NCS1: variants seen among roughly 807,000 people sequenced by gnomAD.
NCS1 encodes frequenin homolog.
In NCS1, 6 loss-of-function variants were observed where a neutral mutation model predicts 28.4. The ratio of observed to expected loss-of-function variants is 0.21; its 90% confidence interval spans 0.12 to 0.42. NCS1 has a LOEUF of 0.42. NCS1 is among the 10% of genes least tolerant of loss of function. NCS1 has a pLI of 1.00. For synonymous variants in NCS1, 86 were observed against 99.3 expected, an observed-to-expected ratio of 0.87 and a Z score of 0.79; for missense variants, 131 against 241.4, an observed-to-expected ratio of 0.54 and a Z score of 3.03.
chr9:130,217,307 C>T (rs1365578456), intron 2 of NCS1, among the ~76,000 whole-genome samples: 6 of 152,212 alleles, frequency 3.9e-5, no homozygotes, highest in African/African-American at 1.2e-4. Context: ...GCTGTTTACC[C>T]AGTTCCCTGG....
chr9:130,172,971 C>G (rs973609650), intron 1 of NCS1, among the ~76,000 whole-genome samples: 1 of 151,850 alleles, frequency 6.6e-6, no homozygotes, highest in African/African-American at 2.4e-5. Flanking sequence ...GCGGCGCCAC[C>G]CCTAGGTCCG....
intron 2 of NCS1, among the ~76,000 whole-genome samples, chr9:130,211,978 G>T (rs895618999): frequency 9.9e-5 from 15 of 152,136 alleles, no homozygotes; most frequent in Admixed American, 2.6e-4. Flanking sequence ...CTCTGGTGCC[G>T]AGAAGGAAGC....
At chr9:130,214,163 A>G (rs1266390884) in intron 2 of NCS1, among the ~76,000 whole-genome samples, 1 of 152,206 alleles carries the variant, frequency 6.6e-6, no homozygotes, top group Non-Finnish European at 1.5e-5. Flanking sequence ...CATATGGTAT[A>G]GCGTGGTACA....
chr9:130,199,925 A>ATTCATTCATTCC lies in NCS1; in HGVS notation c.65-1030_65-1029insATTCATTCCTTC, dbSNP rs1215707739. Among the ~76,000 whole-genome samples, 228 of 151,994 alleles carry ATTCATTCATTCC rather than the reference A, an allele frequency of 1.5e-3. 1 individual carries two copies. Among genetic ancestry groups the ATTCATTCATTCC allele is most frequent in the Non-Finnish European group, 2.8e-3 (187 of 67,978 alleles). On this transcript the variant is annotated intron_variant, in intron 1 of 7. Coordinates refer to ENST00000372398, the MANE Select transcript of NCS1 (RefSeq NM_014286.4). ...CATTCATTCATTCATTCATTCATTC[A>ATTCATTCATTCC]TTCCACAAACCAGTATTGAGCACAT...
intron 1 of NCS1, among the ~76,000 whole-genome samples, chr9:130,195,079 T>C (rs1417557964): frequency 6.6e-6 from 1 of 152,190 alleles, no homozygotes; most frequent in Non-Finnish European, 1.5e-5. Context: ...TGTCTCGCAC[T>C]TGCTGGGTGC....
intron 1 of NCS1, among the ~76,000 whole-genome samples, chr9:130,195,307 G>C (rs1832864070): frequency 6.6e-6 from 1 of 152,164 alleles, no homozygotes; most frequent in African/African-American, 2.4e-5. Flanking sequence ...TGCCCCCTTG[G>C]TCAGACCCCC....
At position 130,181,325 on chromosome 9, in the gene NCS1, T is replaced by C. The variant is rs929861929; in HGVS notation, c.64+8598T>C. 1.3e-5 allele frequency among the ~76,000 whole-genome samples: 2 copies of C among 151,988 alleles called. No individual in the cohort carries two copies. Among genetic ancestry groups the C allele is most frequent in the Admixed American group, 1.3e-4 (2 of 15,250 alleles). On this transcript the variant is annotated intron_variant, in intron 1 of 7. Coordinates refer to ENST00000372398, the MANE Select transcript of NCS1 (RefSeq NM_014286.4). This position sits in a 1 kb window ranked among gnomAD's most constrained non-coding sequence, Gnocchi z 5.0. ...GGGTTAGGAATAACAGACGTTGAACTTGGCGGCTCATCTCGGCCCTCCTTT... is the reference window on the plus strand; with the variant it reads ...GGGTTAGGAATAACAGACGTTGAACCTGGCGGCTCATCTCGGCCCTCCTTT...
intron 1 of NCS1, among the ~76,000 whole-genome samples, chr9:130,193,523 G>A (rs1199692457): frequency 2.0e-5 from 3 of 152,160 alleles, no homozygotes; most frequent in Non-Finnish European, 4.4e-5. Flanking sequence ...AGGACTGCCT[G>A]TAGGGAGATC....
In NCS1 at chr9:130,186,350, G is replaced by T. The variant is rs1429737365; in HGVS notation, c.64+13623G>T. 6.6e-6 allele frequency among the ~76,000 whole-genome samples: 1 copy of T among 152,140 alleles called. No homozygotes were observed. Among genetic ancestry groups the T allele is most frequent in the Non-Finnish European group, 1.5e-5 (1 of 68,020 alleles). On this transcript the variant is annotated intron_variant, in intron 1 of 7. Transcript: ENST00000372398. This position sits in a 1 kb window ranked among gnomAD's most constrained non-coding sequence, Gnocchi z 4.1. ...TGGGGTGCATCTGGGAGGGCTTCCT[G>T]GAGGAGGTAATATTGTAGTTGAGAC...
chr9:130,180,071 G>A lies in NCS1; in HGVS notation c.64+7344G>A, dbSNP rs1216084549. Among the ~76,000 whole-genome samples, 1 of 151,714 alleles carries A rather than the reference G, an allele frequency of 6.6e-6. No individual in the cohort carries two copies. The highest frequency in any genetic ancestry group is 2.1e-4 in the South Asian group (1 of 4,814). On this transcript the variant is annotated intron_variant, in intron 1 of 7. Coordinates refer to ENST00000372398, the MANE Select transcript of NCS1 (RefSeq NM_014286.4). This position sits in a 1 kb window ranked among gnomAD's most constrained non-coding sequence, Gnocchi z 4.5. ...TCTATCGAGATGGAATCTCACTTCCGTCACCCAGGCTAGAGTGCAGTGGCG... is the reference window on the plus strand; with the variant it reads ...TCTATCGAGATGGAATCTCACTTCCATCACCCAGGCTAGAGTGCAGTGGCG...
intron 1 of NCS1, among the ~76,000 whole-genome samples, 160 bp downstream of exon 1, chr9:130,172,887 C>T (rs1554904236): frequency 6.7e-6 from 1 of 150,282 alleles, no homozygotes; most frequent in East Asian, 2.0e-4. Flanking sequence ...GGTTCCCGGG[C>T]CGCGCCCCTG....
intron 1 of NCS1, chr9:130,200,544 G>A (rs370868843): frequency 1.2e-5 from 18 of 1,551,076 alleles, no homozygotes; most frequent in Non-Finnish European, 3.5e-6. Flanking sequence ...AGGTGGGGCA[G>A]CCGAGTGCCT....
At chr9:130,205,972 T>C (rs1001298246) in intron 2 of NCS1, among the ~76,000 whole-genome samples, 8 of 152,156 alleles carry the variant, frequency 5.3e-5, no homozygotes, top group African/African-American at 1.4e-4. Context: ...AACCAATGCC[T>C]TTCTCTGGCT....
intron 2 of NCS1, among the ~76,000 whole-genome samples, chr9:130,208,362 T>C (rs1301021377): frequency 6.6e-6 from 1 of 152,042 alleles, no homozygotes; most frequent in Non-Finnish European, 1.5e-5. Flanking sequence ...TCACTGCAAC[T>C]CTGCCTCCTG....
At chr9:130,188,636 G>A (rs1422327670) in intron 1 of NCS1, among the ~76,000 whole-genome samples, 10 of 151,870 alleles carry the variant, frequency 6.6e-5, no homozygotes, top group African/African-American at 1.9e-4. Context: ...TCGAACTCCC[G>A]ACCTCAGGTG....
intron 7 of NCS1, among the ~76,000 whole-genome samples, chr9:130,230,711 TAA>T (rs35933110): frequency 7.0e-5 from 10 of 142,266 alleles, no homozygotes; most frequent in African/African-American, 2.1e-4. Context: ...TCTGTCTCTT[TAA>T]AAAAAAAAAA....
At chr9:130,230,437 G>A (rs1564716333) in intron 7 of NCS1, among the ~76,000 whole-genome samples, 1 of 152,068 alleles carries the variant, frequency 6.6e-6, no homozygotes, top group Non-Finnish European at 1.5e-5. Flanking sequence ...GGGCGCCTGT[G>A]GTCACTCACA....
intron 1 of NCS1, among the ~76,000 whole-genome samples, chr9:130,174,509 A>C (rs1290601754): frequency 6.6e-6 from 1 of 152,144 alleles, no homozygotes; most frequent in Non-Finnish European, 1.5e-5. Flanking sequence ...GTCCTGCTCC[A>C]AGGCTAGTGA....
rs895860128 is a variant in NCS1, at chr9:130,190,295, T to A, written c.65-10663T>A. ...TGGAGCACCCAGCCATTGGGGAAGG[T>A]CCAAATCGGACAAAAGCAGGCACTC... On this transcript the variant is annotated intron_variant, in intron 1 of 7. Coordinates refer to ENST00000372398, the MANE Select transcript of NCS1 (RefSeq NM_014286.4). Among the ~76,000 whole-genome samples, 8 of 152,046 alleles carry A rather than the reference T, an allele frequency of 5.3e-5. No individual in the cohort carries two copies. In the East Asian group the frequency reaches 1.6e-3, roughly 29 times the overall value.
Sources: gnomAD v4.1 joint callset for allele counts (sites outside exome capture counted in the v4.1 genomes callset) on GRCh38, gnomAD v4.1.1 for gene constraint, Gnocchi (gnomAD v3.1) non-coding constraint, MANE v1.5 for transcripts, NCBI Gene and HGNC (gene_info 2026-07-23, HGNC 2026-07-21) for gene names.